LCT: variants seen among roughly 807,000 people sequenced by gnomAD.
LCT encodes lactase/phlorizin hydrolase.
LCT carries 90 observed loss-of-function variants against 173.0 expected under a neutral mutation model. The observed-to-expected ratio is 0.52, with a 90% CI of 0.44 to 0.62. LCT has a LOEUF of 0.62. Ranked by LOEUF, LCT falls within the 20% of genes least tolerant of loss-of-function variation. The pLI is 0.00. For missense variants in LCT, 1,864 were observed against 2,431.4 expected, an observed-to-expected ratio of 0.77 and a Z score of 4.91; for synonymous variants, 853 against 957.6, an observed-to-expected ratio of 0.89 and a Z score of 2.02.
At chr2:135,800,872 G>T in intron 11 of LCT, 63 bp from the exon 12 acceptor site, 1 of 1,308,610 alleles carries the variant, frequency 7.6e-7, no homozygotes, top group Admixed American at 1.8e-5. Context: ...GAGATTGTTA[G>T]TCCCTGCCTG....
rs2105523610 is a variant in LCT, at chr2:135,798,092, T to C, written c.4913A>G (p.Tyr1638Cys). ...FAHPIFKNGDYNEVMKTRIRD... is the reference protein window; with the variant it reads ...FAHPIFKNGDCNEVMKTRIRD... ...GATCCGCGTCTTCATCACCTCATTG[T>C]AATCTCCATTCTTGAAAATAGGATG... Residue 1638 changes from tyrosine (Y) to cysteine (C), a missense_variant, in exon 13 of 17, where the codon TAC becomes TGC. Tyr to Cys is a radical substitution (Grantham distance 194, BLOSUM62 -2). Around this residue, in one of 4 missense-constraint regions of LCT, gnomAD observed 514 missense variants for 750.1 expected, o/e 0.69. Transcript: ENST00000264162. 1 of 1,612,608 alleles carries C rather than the reference T, an allele frequency of 6.2e-7. No homozygotes were observed. Among genetic ancestry groups the C allele is most frequent in the Non-Finnish European group, 8.5e-7 (1 of 1,178,626 alleles).
Position 135,836,639 on chromosome 2 carries a change from T to C in LCT, c.531A>G (p.Glu177=), listed in dbSNP as rs1679389993. 1.2e-6 allele frequency: 2 copies of C among 1,614,032 alleles called. No homozygotes were observed. Among genetic ancestry groups the C allele is most frequent in the Non-Finnish European group, 1.7e-6 (2 of 1,180,022 alleles). ...CCTGGTGGGGAAGCTCCTTGATCAC[T>C]TCCTCCAAGTCACTGAAGGTGAACC... ...GIWFTFSDLE[E]VIKELPHQES... is the part of the protein sequence containing the mutation. The change falls in exon 1 of 17, where the codon GAA becomes GAG. Residue 177 remains glutamate, a synonymous_variant. Coordinates refer to ENST00000264162, the MANE Select transcript of LCT (RefSeq NM_002299.4).
chr2:135,814,742 C>G (rs2077765315), intron 6 of LCT, among the ~76,000 whole-genome samples: 2 of 152,048 alleles, frequency 1.3e-5, no homozygotes, highest in Non-Finnish European at 2.9e-5. Flanking sequence ...GTCTCGAACC[C>G]CTGATCTCGT....
chr2:135,798,001 C>T (rs754926431), intron 13 of LCT, 28 bp downstream of exon 13: 1 of 1,315,210 alleles, frequency 7.6e-7, no homozygotes, highest in Non-Finnish European at 1.1e-6. Context: ...CGCCCATGCC[C>T]TCACCACTGC....
At chr2:135,793,904 A>G (rs2077554762) in intron 14 of LCT, among the ~76,000 whole-genome samples, 1 of 151,674 alleles carries the variant, frequency 6.6e-6, no homozygotes, top group African/African-American at 2.4e-5. Context: ...CCCTGTCTCT[A>G]CTAAAAACAC....
In LCT at chr2:135,814,235, T is replaced by C. The variant is rs185387650; in HGVS notation, c.1708-1279A>G. Among the ~76,000 whole-genome samples the C allele has an allele frequency of 1.5e-4, 23 of 152,320 alleles. No homozygotes were observed. In the East Asian group the frequency reaches 4.2e-3, roughly 28 times the overall value. ...CTAAAACGCCTGGCTGCTTCTCACATCCCAAATATTCGTCTTTAGTTGAGT... is the reference window on the plus strand; with the variant it reads ...CTAAAACGCCTGGCTGCTTCTCACACCCCAAATATTCGTCTTTAGTTGAGT... On this transcript the variant is annotated intron_variant, in intron 6 of 16. Transcript: ENST00000264162.
chr2:135,810,416 C>G (rs1449224865), intron 7 of LCT: 1 of 161,014 alleles, frequency 6.2e-6, no homozygotes, highest in Non-Finnish European at 1.4e-5. Flanking sequence ...AATGTTCATC[C>G]TTTTTCCTCC....
Position 135,836,691 on chromosome 2 carries a change from T to C in LCT, c.479A>G (p.His160Arg), listed in dbSNP as rs569264159. Residue 160 changes from histidine to arginine, a missense_variant, in exon 1 of 17, where the codon CAC (histidine) becomes CGC (arginine). His to Arg is a conservative substitution (Grantham distance 29). This residue lies in a region of LCT where 412 missense variants were observed against 462.0 expected (regional missense o/e 0.89). Transcript: ENST00000264162. ...LFADYATFAF[H>R]SFGDLVGIWF... The stretch of plus-strand genomic sequence containing the variant: ...GATCCCAACTAGGTCCCCGAAGGAG[T>C]GGAAGGCGAATGTGGCATAGTCGGC... The C allele has an allele frequency of 3.1e-6, 5 of 1,613,738 alleles. No homozygotes were observed. In the African/African-American group the frequency reaches 5.3e-5, roughly 17 times the overall value.
Position 135,798,021 on chromosome 2 carries a change from GC to G in LCT, c.4976+7del. 1 of 1,542,132 alleles carries G rather than the reference GC, an allele frequency of 6.5e-7. No homozygotes were observed. On this transcript the variant is annotated splice_region_variant and intron_variant, in intron 13 of 16. Coordinates refer to ENST00000264162, the MANE Select transcript of LCT (RefSeq NM_002299.4). ...ATGCCCTCACCACTGCGGGCACCAGGCCCTTACCGAGACTTGTTGAGGCCTG... is the reference window on the plus strand; with the variant it reads ...ATGCCCTCACCACTGCGGGCACCAGGCCTTACCGAGACTTGTTGAGGCCTG...
At chr2:135,805,841 C>A (rs997187819) in intron 9 of LCT, among the ~76,000 whole-genome samples, 1 of 152,108 alleles carries the variant, frequency 6.6e-6, no homozygotes, top group Non-Finnish European at 1.5e-5. Flanking sequence ...TGTGGCAGTG[C>A]TCATGTCAAT....
At chr2:135,794,352 A>G (rs1286009004) in intron 14 of LCT, 1 of 361,826 alleles carries the variant, frequency 2.8e-6, no homozygotes, top group Non-Finnish European at 5.0e-6. Context: ...AGAGTTAAGC[A>G]GCCTGTGAAA....
intron 11 of LCT, among the ~76,000 whole-genome samples, chr2:135,803,304 T>C (rs1315787604): frequency 6.6e-6 from 1 of 152,328 alleles, no homozygotes; most frequent in East Asian, 1.9e-4. Flanking sequence ...TTGTACTCCA[T>C]ACATATGTAC....
At chr2:135,829,177 G>C (rs2077912646) in intron 3 of LCT, among the ~76,000 whole-genome samples, 1 of 151,790 alleles carries the variant, frequency 6.6e-6, no homozygotes, top group Non-Finnish European at 1.5e-5. Flanking sequence ...GGCAACCGAG[G>C]AAGACTCCAT....
At position 135,809,931 on chromosome 2, in the gene LCT, C is replaced by T. The variant is rs1287547378; in HGVS notation, c.2416G>A (p.Glu806Lys). 2 of 1,613,980 alleles carry T rather than the reference C, an allele frequency of 1.2e-6. No homozygotes were observed. The highest frequency in any genetic ancestry group is 1.7e-6 in the Non-Finnish European group (2 of 1,180,036). ...YIARSLIDGF[E>K]GPSGYSQRFG... ...CGCTGGCTGTAACCAGAAGGGCCTT[C>T]GAAGCCATCAATGAGGGAACGAGCA... Residue 806 changes from glutamate to lysine, a missense_variant, in exon 8 of 17, where the codon GAA becomes AAA. By Grantham distance (56) the Glu-to-Lys change is moderately conservative. Around this residue, in one of 4 missense-constraint regions of LCT, gnomAD observed 755 missense variants for 926.3 expected, o/e 0.82. Transcript: ENST00000264162. This position sits in a 1 kb window ranked among gnomAD's most constrained non-coding sequence, Gnocchi z 5.5.
intron 7 of LCT, among the ~76,000 whole-genome samples, chr2:135,810,981 C>A (rs1277801262): frequency 6.6e-6 from 1 of 151,126 alleles, no homozygotes; most frequent in Non-Finnish European, 1.5e-5. Flanking sequence ...GAGCTGAGAT[C>A]GCGCCACTGC....
intron 5 of LCT, among the ~76,000 whole-genome samples, chr2:135,820,875 C>G (rs1254795088): frequency 6.6e-6 from 1 of 151,856 alleles, no homozygotes; most frequent in Non-Finnish European, 1.5e-5. Context: ...ACCTCAAAAC[C>G]TGCTCTAATT....
intron 2 of LCT, 27 bp downstream of exon 2, chr2:135,833,084 A>C: frequency 6.6e-7 from 1 of 1,526,292 alleles, no homozygotes; most frequent in Non-Finnish European, 9.1e-7. Flanking sequence ...CTCAGATGTT[A>C]CAGGTATATT....
chr2:135,812,431 T>C lies in LCT; in HGVS notation c.2233A>G (p.Arg745Gly), dbSNP rs763912991. 26 of 1,614,110 alleles carry C rather than the reference T, an allele frequency of 1.6e-5. No individual in the cohort carries two copies. The highest frequency in any genetic ancestry group is 1.6e-4 in the Middle Eastern group (1 of 6,084). The change falls in exon 7 of 17, where the codon AGA becomes GGA. Residue 745 changes from arginine to glycine, a missense_variant. By Grantham distance (125) the Arg-to-Gly change is moderately radical. Coordinates refer to ENST00000264162, the MANE Select transcript of LCT (RefSeq NM_002299.4). ...GCAAGGTATATTGGAACTTTTCCTC[T>C]TGTGTATTCCAGGGATACAAACTGC... ...LLQFVSLEYT[R>G]GKVPIYLAGN...
At chr2:135,789,915 A>T (rs2077520818) in intron 15 of LCT, 117 bp from the exon 16 acceptor site, 1 of 825,550 alleles carries the variant, frequency 1.2e-6, no homozygotes, top group South Asian at 1.4e-5. Flanking sequence ...AGATGGCGGT[A>T]AGCTTTGGCT....
Sources: gnomAD v4.1 joint callset for allele counts (sites outside exome capture counted in the v4.1 genomes callset) on GRCh38, gnomAD v4.1.1 for gene constraint, gnomAD v4.1.1 regional missense constraint, Gnocchi (gnomAD v3.1) non-coding constraint, MANE v1.5 for transcripts, NCBI Gene and HGNC (gene_info 2026-07-23, HGNC 2026-07-21) for gene names.